The following CDH12 variants were observed in gnomAD, a reference collection of about 807,000 sequenced individuals.
CDH12 encodes cadherin 12.
In CDH12, 41 loss-of-function variants were observed where a neutral mutation model predicts 74.1. The observed-to-expected ratio is 0.55, with a 90% CI of 0.43 to 0.72. The LOEUF (loss-of-function observed/expected upper bound fraction) is 0.72. CDH12 is among the 30% of genes least tolerant of loss of function. The probability of loss-of-function intolerance (pLI) is 0.00; values close to 1 mark genes in which losing one functional copy is unlikely to be tolerated. For synonymous variants in CDH12, 399 were observed against 355.0 expected (o/e 1.12, Z -1.39); for missense variants, 945 against 977.2 (o/e 0.97, Z 0.44).
chr5:22,422,499 T>C lies in CDH12; in HGVS notation c.-427-17148A>G, dbSNP rs560269316. 2.2e-4 allele frequency among the ~76,000 whole-genome samples: 33 copies of C among 152,264 alleles called. 1 individual carries two copies. The South Asian group carries it at 4.6e-3, about 21-fold the overall frequency. On this transcript the variant is annotated intron_variant, in intron 2 of 14. Coordinates refer to ENST00000382254, the MANE Select transcript of CDH12 (RefSeq NM_004061.5). ...CAGTATTTTTTTGAAGATATTTGCATTGATGTTCATCAGAAGGATTGGCCT... is the reference window on the plus strand; with the variant it reads ...CAGTATTTTTTTGAAGATATTTGCACTGATGTTCATCAGAAGGATTGGCCT...
At chr5:22,585,136 T>G (rs910424911) in intron 1 of CDH12, among the ~76,000 whole-genome samples, 2 of 152,212 alleles carry the variant, frequency 1.3e-5, no homozygotes, top group Non-Finnish European at 2.9e-5. Context: ...TATTGTTTTT[T>G]CTGAAAGTAA....
intron 1 of CDH12, among the ~76,000 whole-genome samples, chr5:22,581,134 C>T (rs537158327): frequency 1.3e-5 from 2 of 152,294 alleles, no homozygotes; most frequent in East Asian, 3.9e-4. Context: ...ATATGAATCC[C>T]CAAGACAATG....
intron 3 of CDH12, among the ~76,000 whole-genome samples, chr5:22,277,286 T>C (rs1269001778): frequency 6.6e-6 from 1 of 152,186 alleles, no homozygotes. Context: ...ACAAACTGGC[T>C]CCAGCTCAGC....
intron 1 of CDH12, among the ~76,000 whole-genome samples, chr5:22,721,309 T>C (rs917823237): frequency 6.6e-6 from 1 of 152,236 alleles, no homozygotes; most frequent in Non-Finnish European, 1.5e-5. Context: ...ATGTGAGACA[T>C]GAAGTCAAAG....
intron 1 of CDH12, among the ~76,000 whole-genome samples, chr5:22,639,722 C>T (rs1272928064): frequency 6.6e-6 from 1 of 152,088 alleles, no homozygotes; most frequent in African/African-American, 2.4e-5. Context: ...CTGATTCTCT[C>T]CCCACTAATT....
chr5:22,072,486 C>G (rs564918983), intron 5 of CDH12, among the ~76,000 whole-genome samples: 1 of 151,592 alleles, frequency 6.6e-6, no homozygotes, highest in Non-Finnish European at 1.5e-5. Context: ...ATCTTTTGGA[C>G]GGAGTCATAG....
intron 1 of CDH12, among the ~76,000 whole-genome samples, chr5:22,661,056 A>T (rs758525968): frequency 6.6e-6 from 1 of 152,094 alleles, no homozygotes; most frequent in Non-Finnish European, 1.5e-5. Flanking sequence ...CTTGCATTAG[A>T]ATGTGGATTT....
At chr5:22,113,475 C>T (rs1744927200) in intron 4 of CDH12, among the ~76,000 whole-genome samples, 1 of 152,070 alleles carries the variant, frequency 6.6e-6, no homozygotes, top group South Asian at 2.1e-4. Flanking sequence ...GATAAACTCA[C>T]CAGTTATCAA....
At chr5:22,116,439 A>G (rs1400602763) in intron 4 of CDH12, among the ~76,000 whole-genome samples, 3 of 152,156 alleles carry the variant, frequency 2.0e-5, no homozygotes, top group Admixed American at 2.0e-4. Flanking sequence ...CCCCATCTCT[A>G]CTAAAAATAC....
chr5:21,944,809 C>A (rs1451953652), intron 6 of CDH12, among the ~76,000 whole-genome samples: 2 of 151,900 alleles, frequency 1.3e-5, no homozygotes, highest in African/African-American at 4.8e-5. Flanking sequence ...AACTCAGTAC[C>A]CTACTTTTGC....
intron 1 of CDH12, among the ~76,000 whole-genome samples, chr5:22,564,194 A>C (rs1739191042): frequency 6.6e-6 from 1 of 152,312 alleles, no homozygotes; most frequent in Non-Finnish European, 1.5e-5. Flanking sequence ...TGAATTCTTC[A>C]TTAGCTTTCA....
chr5:21,962,102 A>G (rs2150110802), intron 6 of CDH12, among the ~76,000 whole-genome samples: 1 of 152,120 alleles, frequency 6.6e-6, no homozygotes, highest in Non-Finnish European at 1.5e-5. Context: ...TGTTGATTTG[A>G]TGTTCTTGGA....
At chr5:22,428,916 G>C (rs1345123521) in intron 2 of CDH12, among the ~76,000 whole-genome samples, 2 of 151,976 alleles carry the variant, frequency 1.3e-5, no homozygotes, top group Non-Finnish European at 2.9e-5. Context: ...GATCCTCAAG[G>C]CTTTAAAAAG....
chr5:21,907,706 A>G (rs1753702128), intron 6 of CDH12, among the ~76,000 whole-genome samples: 1 of 152,190 alleles, frequency 6.6e-6, no homozygotes, highest in Admixed American at 6.5e-5. Flanking sequence ...AGGATTCAGG[A>G]TAAAACTTCT....
chr5:22,249,689 G>T (rs746968386), intron 3 of CDH12, among the ~76,000 whole-genome samples: 3 of 152,090 alleles, frequency 2.0e-5, no homozygotes, highest in Non-Finnish European at 4.4e-5. Flanking sequence ...AAACATAGCA[G>T]GGCTAACCAT....
intron 8 of CDH12, among the ~76,000 whole-genome samples, chr5:21,833,135 A>AT (rs1749213541): frequency 7.2e-5 from 2 of 27,730 alleles, no homozygotes; most frequent in South Asian, 1.1e-3. Flanking sequence ...TTATATTATA[A>AT]ATATATATTA....
At chr5:22,522,079 T>C (rs1024364965) in intron 1 of CDH12, among the ~76,000 whole-genome samples, 2 of 152,222 alleles carry the variant, frequency 1.3e-5, no homozygotes, top group Non-Finnish European at 1.5e-5. Context: ...TCAACAGCCT[T>C]ACACACTAAT....
intron 1 of CDH12, among the ~76,000 whole-genome samples, chr5:22,678,785 G>A (rs1055874877): frequency 2.6e-5 from 4 of 152,092 alleles, no homozygotes; most frequent in African/African-American, 9.6e-5. Flanking sequence ...GAATTGCAAA[G>A]ATTATGATCT....
intron 8 of CDH12, among the ~76,000 whole-genome samples, chr5:21,819,397 T>C: frequency 6.6e-6 from 1 of 152,030 alleles, no homozygotes; most frequent in Non-Finnish European, 1.5e-5. Context: ...AACGTGTAAT[T>C]TTTCATTTTC....
Sources: gnomAD v4.1 joint callset for allele counts (sites outside exome capture counted in the v4.1 genomes callset) on GRCh38, gnomAD v4.1.1 for gene constraint, MANE v1.5 for transcripts, NCBI Gene and HGNC (gene_info 2026-07-23, HGNC 2026-07-21) for gene names.